CRACR2A: variants seen among roughly 807,000 people sequenced by gnomAD.
The protein encoded by CRACR2A is calcium release activated channel regulator 2A.
A neutral mutation model predicts 90.5 loss-of-function variants in CRACR2A; 79 were observed. That is an observed-to-expected ratio of 0.87 (90% confidence interval 0.73 to 1.05). CRACR2A has a LOEUF of 1.05. Among genes scored for constraint, CRACR2A ranks in the 50% least tolerant of loss-of-function variants. The pLI is 0.00. For synonymous variants in CRACR2A, 338 were observed against 356.7 expected (o/e 0.95, Z 0.59); for missense variants, 823 against 897.2 (o/e 0.92, Z 1.06).
At chr12:3,638,546 C>A in intron 13 of CRACR2A, 92 bp from the exon 14 acceptor site, 1 of 1,356,512 alleles carries the variant, frequency 7.4e-7, no homozygotes, top group South Asian at 1.5e-5. Flanking sequence ...AACAGATACC[C>A]AAGGAGCATC....
chr12:3,654,435 T>G (rs371005342), intron 9 of CRACR2A, 36 bp from the exon 10 acceptor site: 9 of 1,545,466 alleles, frequency 5.8e-6, no homozygotes, highest in Middle Eastern at 1.7e-4. Flanking sequence ...GAATGAGGAG[T>G]GACCACCATT....
intron 10 of CRACR2A, among the ~76,000 whole-genome samples, chr12:3,651,047 T>C (rs973930250): frequency 1.7e-4 from 26 of 152,240 alleles, no homozygotes; most frequent in African/African-American, 6.3e-4. Context: ...GTTCTAAAAG[T>C]GTATACATGG....
rs758149969 is a variant in CRACR2A at position 3,711,349 on chromosome 12, C to G, written c.-37+1888G>C. Among the ~76,000 whole-genome samples, 18 of 152,112 alleles carry G rather than the reference C, an allele frequency of 1.2e-4. No homozygotes were observed. The highest frequency in any genetic ancestry group is 6.5e-4 in the Admixed American group (10 of 15,268). ...CCTCTCAAATTTTACTTTAAGCAGTCGAGAGAAACTAGGCCACTCCTTTAA... is the reference window on the plus strand; with the variant it reads ...CCTCTCAAATTTTACTTTAAGCAGTGGAGAGAAACTAGGCCACTCCTTTAA... On this transcript the variant is annotated intron_variant, in intron 3 of 19. Transcript: ENST00000440314. This position sits in a 1 kb window ranked among gnomAD's most constrained non-coding sequence, Gnocchi z 4.3.
intron 2 of CRACR2A, among the ~76,000 whole-genome samples, chr12:3,716,803 T>C (rs941697776): frequency 2.6e-5 from 4 of 152,224 alleles, no homozygotes; most frequent in African/African-American, 9.6e-5. Context: ...GTTGCTTTGA[T>C]AGGGGCTCTT....
intron 7 of CRACR2A, among the ~76,000 whole-genome samples, chr12:3,664,932 A>T (rs1405419189): frequency 6.6e-6 from 1 of 152,258 alleles, no homozygotes; most frequent in Non-Finnish European, 1.5e-5. Flanking sequence ...ACTTGAGCCC[A>T]GAAGGCGGAG....
chr12:3,696,041 G>T (rs1167500346), intron 4 of CRACR2A, among the ~76,000 whole-genome samples: 1 of 152,154 alleles, frequency 6.6e-6, no homozygotes, highest in African/African-American at 2.4e-5. Flanking sequence ...AACAGTACTT[G>T]GTGACACATG....
intron 12 of CRACR2A, 91 bp downstream of exon 12, chr12:3,644,504 G>A: frequency 7.6e-7 from 1 of 1,308,556 alleles, no homozygotes; most frequent in Non-Finnish European, 1.1e-6. Context: ...CGAGTGTCAG[G>A]ACATTGCTGG....
chr12:3,745,879 A>G (rs1287549011), intron 1 of CRACR2A, among the ~76,000 whole-genome samples: 1 of 150,378 alleles, frequency 6.6e-6, no homozygotes, highest in Admixed American at 6.6e-5. Flanking sequence ...TTGACAAACC[A>G]TCTCCTTCCC....
chr12:3,735,120 G>A (rs757375899), intron 1 of CRACR2A, among the ~76,000 whole-genome samples: 196 of 152,094 alleles, frequency 1.3e-3, no homozygotes, highest in Non-Finnish European at 2.1e-3. Flanking sequence ...CAACTTGATT[G>A]GGCTATCATT....
intron 10 of CRACR2A, among the ~76,000 whole-genome samples, chr12:3,650,175 ACACTGGGCTGGGCAAGGACCC>A (rs1944769529): frequency 6.6e-6 from 1 of 152,194 alleles, no homozygotes; most frequent in Non-Finnish European, 1.5e-5. Flanking sequence ...GGCTGTGCAC[ACACTGGGCTGGGCAAGGACCC>A]CACTGCCACC....
intron 3 of CRACR2A, among the ~76,000 whole-genome samples, chr12:3,710,521 G>A (rs1370477439): frequency 2.0e-5 from 3 of 152,192 alleles, no homozygotes; most frequent in Non-Finnish European, 2.9e-5. Flanking sequence ...TTGGCCGGGC[G>A]CAGTGGCTCA....
chr12:3,726,605 C>A (rs1946269042), intron 2 of CRACR2A: 1 of 151,988 alleles, frequency 6.6e-6, no homozygotes, highest in South Asian at 2.1e-4. Context: ...ATAACCTTCA[C>A]TGAGGTACAG....
intron 4 of CRACR2A, among the ~76,000 whole-genome samples, chr12:3,684,347 G>A (rs1178437849): frequency 1.3e-5 from 2 of 152,164 alleles, no homozygotes; most frequent in Admixed American, 6.5e-5. Flanking sequence ...GCACCTTGAT[G>A]TGCTTGGCTT....
chr12:3,647,802 A>T (rs768711624), intron 11 of CRACR2A: 79 of 964,020 alleles, frequency 8.2e-5, no homozygotes, highest in Non-Finnish European at 9.6e-5. Context: ...ATCAGAACCC[A>T]AAGTCCTTCT....
At chr12:3,693,740 AT>A (rs920797037) in intron 4 of CRACR2A, among the ~76,000 whole-genome samples, 5 of 151,606 alleles carry the variant, frequency 3.3e-5, no homozygotes, top group Non-Finnish European at 7.4e-5. Context: ...TACCTTTAAC[AT>A]TTTTTCTTTC....
chr12:3,748,300 C>T (rs1191719100), intron 1 of CRACR2A, among the ~76,000 whole-genome samples: 1 of 152,130 alleles, frequency 6.6e-6, no homozygotes, highest in African/African-American at 2.4e-5. Context: ...CCTGCTCCTA[C>T]CTCCATGCAT....
intron 4 of CRACR2A, among the ~76,000 whole-genome samples, chr12:3,681,195 C>T (rs1199483478): frequency 6.6e-6 from 1 of 152,228 alleles, no homozygotes; most frequent in East Asian, 1.9e-4. Flanking sequence ...CCCCTTCCTA[C>T]CTCTGAGTGA....
intron 12 of CRACR2A, among the ~76,000 whole-genome samples, chr12:3,642,541 A>G (rs1378375693): frequency 6.6e-6 from 1 of 152,226 alleles, no homozygotes; most frequent in African/African-American, 2.4e-5. Flanking sequence ...AAATATTTAC[A>G]GGCATAAAAA....
intron 3 of CRACR2A, among the ~76,000 whole-genome samples, chr12:3,706,249 A>G (rs1945918786): frequency 6.6e-6 from 1 of 152,154 alleles, no homozygotes; most frequent in Non-Finnish European, 1.5e-5. Flanking sequence ...AGATGCAGGG[A>G]CCCTGATGGC....
Sources: allele counts gnomAD v4.1 joint callset (sites outside exome capture counted in the v4.1 genomes callset), GRCh38; gene constraint gnomAD v4.1.1; non-coding constraint Gnocchi (gnomAD v3.1); transcripts MANE v1.5; gene names NCBI Gene and HGNC (gene_info 2026-07-23, HGNC 2026-07-21).